Variants in PPP4R1 observed in about 807,000 individuals in gnomAD.
PPP4R1 encodes the protein serine/threonine-protein phosphatase 4 regulatory subunit 1.
Under a neutral mutation model 111.2 loss-of-function variants are expected in PPP4R1, and 42 were observed. That is an observed-to-expected ratio of 0.38 (90% CI 0.29 to 0.49). PPP4R1 has a LOEUF of 0.49. Among genes scored for constraint, PPP4R1 ranks in the 20% least tolerant of loss-of-function variants. The pLI is 0.97. For synonymous variants in PPP4R1, 409 were observed against 405.5 expected (o/e 1.01, Z -0.10); for missense variants, 1,012 against 1,161.6 (o/e 0.87, Z 1.87).
chr18:9,586,182 T>C (rs142450883), intron 6 of PPP4R1, among the ~76,000 whole-genome samples: 22 of 151,850 alleles, frequency 1.4e-4, no homozygotes, highest in African/African-American at 5.3e-4. Flanking sequence ...TCTATTAAGA[T>C]AGAGAAAATA....
At chr18:9,609,681 T>C (rs2067545014) in intron 2 of PPP4R1, among the ~76,000 whole-genome samples, 1 of 152,252 alleles carries the variant, frequency 6.6e-6, no homozygotes, top group Non-Finnish European at 1.5e-5. Context: ...AGCTGTCTTA[T>C]ACCCAAGCTC....
Position 9,607,668 on chromosome 18 carries a change from G to A in PPP4R1, c.52+6558C>T, listed in dbSNP as rs553614751. Among the ~76,000 whole-genome samples, 42 of 152,098 alleles carry A rather than the reference G, an allele frequency of 2.8e-4. No individual in the cohort carries two copies. The East Asian group carries it at 7.7e-3, about 28-fold the overall frequency. ...AATAAGAGTGGCTAAAATTAAGACT[G>A]CTCACACTAAGTGTTGACAATGATG... On this transcript the variant is annotated intron_variant, in intron 2 of 19. Transcript: ENST00000400556.
intron 14 of PPP4R1, among the ~76,000 whole-genome samples, chr18:9,558,999 T>A (rs1430460549): frequency 2.6e-5 from 4 of 152,236 alleles, no homozygotes; most frequent in Non-Finnish European, 5.9e-5. Flanking sequence ...GGCCCAGAAC[T>A]TCACATGTGC....
intron 13 of PPP4R1, among the ~76,000 whole-genome samples, chr18:9,560,519 C>T (rs1164369407): frequency 2.6e-5 from 4 of 152,020 alleles, no homozygotes; most frequent in African/African-American, 9.7e-5. Context: ...GGGAACATCA[C>T]TGAATGCCTT....
At chr18:9,558,473 T>C (rs1479465028) in intron 14 of PPP4R1, among the ~76,000 whole-genome samples, 1 of 152,176 alleles carries the variant, frequency 6.6e-6, no homozygotes, top group Non-Finnish European at 1.5e-5. Flanking sequence ...AAAAAGTATA[T>C]GAACACAGAT....
chr18:9,554,528 T>C (rs1207243402), intron 15 of PPP4R1, among the ~76,000 whole-genome samples: 4 of 152,002 alleles, frequency 2.6e-5, no homozygotes, highest in Non-Finnish European at 5.9e-5. Context: ...GGTATTGAAT[T>C]GGAAGCAGTT....
chr18:9,571,681 C>T (rs2066863609), intron 10 of PPP4R1, among the ~76,000 whole-genome samples: 1 of 151,982 alleles, frequency 6.6e-6, no homozygotes, highest in African/African-American at 2.4e-5. Flanking sequence ...GTTTATGGGG[C>T]TAAGGGGAAG....
chr18:9,614,627 G>A (rs2067659680), upstream of PPP4R1: 1 of 310,356 alleles, frequency 3.2e-6, no homozygotes, highest in Admixed American at 6.8e-5. The surrounding 1 kb of genome is among the most constrained non-coding windows in gnomAD (Gnocchi z 4.1). Flanking sequence ...CGCGGGGCGG[G>A]CCGAGGGCCC....
At chr18:9,565,058 A>C (rs916704603) in intron 11 of PPP4R1, among the ~76,000 whole-genome samples, 3 of 152,188 alleles carry the variant, frequency 2.0e-5, no homozygotes, top group Non-Finnish European at 4.4e-5. Context: ...GCTTACATTT[A>C]GCAAGTCTAT....
At chr18:9,600,427 A>G (rs1349602738) in intron 2 of PPP4R1, among the ~76,000 whole-genome samples, 1 of 152,188 alleles carries the variant, frequency 6.6e-6, no homozygotes, top group African/African-American at 2.4e-5. Flanking sequence ...TACATTAAAT[A>G]TAAATGGACT....
rs200944480 is a variant in PPP4R1 at position 9,563,470 on chromosome 18, T to C, written c.1654A>G (p.Ser552Gly). The change falls in exon 12 of 20, where the codon AGT becomes GGT. Residue 552 changes from serine (S) to glycine (G), a missense_variant. Ser to Gly is a moderately conservative substitution (Grantham distance 56). Transcript: ENST00000400556. ...ATATCCAGTTCATCTTGCAAATCAC[T>C]TCTCTTTTCTATACTGATGGTCTCT... ...HEETISIEKRSDLQDELDINE... is the reference protein window; with the variant it reads ...HEETISIEKRGDLQDELDINE... 21 of 1,607,388 alleles carry C rather than the reference T, an allele frequency of 1.3e-5. No homozygotes were observed. In the African/African-American group the frequency reaches 1.3e-4, roughly 10 times the overall value.
chr18:9,579,517 C>CGTGTGTGT (rs3974278), intron 9 of PPP4R1, among the ~76,000 whole-genome samples: 11,972 of 147,792 alleles, frequency 0.081, 605 homozygotes, highest in African/African-American at 0.15. Flanking sequence ...AGGATTTACA[C>CGTGTGTGT]GTGTGTGTGT....
Position 9,570,655 on chromosome 18 carries a change from C to T in PPP4R1, c.1075G>A (p.Val359Ile). Residue 359 changes from valine (V) to isoleucine (I), a missense_variant, in exon 11 of 20, where the codon GTA becomes ATA. Val to Ile is a conservative substitution (Grantham distance 29, BLOSUM62 3). Transcript: ENST00000400556. Reference sequence around the variant, plus strand: ...GGAGTATCCTCTGGCCTGACTTGTACATCCTCTGGGGCTTCTTGATCTCTG... The same window carrying T: ...GGAGTATCCTCTGGCCTGACTTGTATATCCTCTGGGGCTTCTTGATCTCTG... ...RTRDQEAPED[V>I]QVRPEDTPSD... 10 of 1,590,792 alleles carry T rather than the reference C, an allele frequency of 6.3e-6. No individual in the cohort carries two copies. Among genetic ancestry groups the T allele is most frequent in the Non-Finnish European group, 8.6e-6 (10 of 1,168,010 alleles).
intron 6 of PPP4R1, among the ~76,000 whole-genome samples, chr18:9,585,617 G>A (rs1295467195): frequency 2.0e-5 from 3 of 152,120 alleles, no homozygotes; most frequent in African/African-American, 7.2e-5. Context: ...ATTCAAATAC[G>A]ACATGGTTGT....
chr18:9,549,415 TG>T, intron 18 of PPP4R1, 77 bp from the exon 19 acceptor site: 1 of 1,526,834 alleles, frequency 6.5e-7, no homozygotes, highest in Admixed American at 1.8e-5. Context: ...ACAAAATCTC[TG>T]AGTGACCACA....
chr18:9,583,197 A>C lies in PPP4R1; in HGVS notation c.838T>G (p.Ser280Ala). 6.2e-7 allele frequency: 1 copy of C among 1,612,046 alleles called. No homozygotes were observed. The highest frequency in any genetic ancestry group is 8.5e-7 in the Non-Finnish European group (1 of 1,178,474). Residue 280 changes from serine (S) to alanine (A), a missense_variant, in exon 9 of 20, where the codon TCA becomes GCA. Ser to Ala is a moderately conservative substitution (Grantham distance 99, BLOSUM62 1). Transcript: ENST00000400556. ...CGGATTTCTTGACATGTTGCACATG[A>C]AACCGCCATGAAGCATTCAGCACAA... The part of the protein sequence containing the change: ...KACAECFMAV[S>A]CATCQEIRRT...
chr18:9,574,809 T>C (rs1266422177), intron 10 of PPP4R1, among the ~76,000 whole-genome samples: 1 of 152,210 alleles, frequency 6.6e-6, no homozygotes, highest in Non-Finnish European at 1.5e-5. Flanking sequence ...GACAGCACTT[T>C]GTTAAACGAG....
intron 4 of PPP4R1, 77 bp from the exon 5 acceptor site, chr18:9,588,930 AG>A: frequency 6.5e-7 from 1 of 1,527,312 alleles, no homozygotes; most frequent in Admixed American, 2.1e-5. Context: ...GAGGGTACTT[AG>A]GAAGGCTATG....
At chr18:9,585,893 C>T (rs2067107748) in intron 6 of PPP4R1, among the ~76,000 whole-genome samples, 1 of 152,060 alleles carries the variant, frequency 6.6e-6, no homozygotes, top group Non-Finnish European at 1.5e-5. Flanking sequence ...AATAGATCTA[C>T]CATGTTCATA....
Sources: allele counts gnomAD v4.1 joint callset (sites outside exome capture counted in the v4.1 genomes callset), GRCh38; gene constraint gnomAD v4.1.1; non-coding constraint Gnocchi (gnomAD v3.1); transcripts MANE v1.5; gene names NCBI Gene and HGNC (gene_info 2026-07-23, HGNC 2026-07-21).